Variants in MEAF6 observed in about 807,000 individuals in gnomAD.
MEAF6 encodes chromatin modification-related protein MEAF6.
A neutral mutation model predicts 28.9 loss-of-function variants in MEAF6; 15 were observed. That is an observed-to-expected ratio of 0.52 (90% CI 0.35 to 0.80). MEAF6 has a LOEUF of 0.80. Among genes scored for constraint, MEAF6 ranks in the 30% least tolerant of loss-of-function variants. The probability of loss-of-function intolerance (pLI) is 0.01; values close to 1 mark genes in which losing one functional copy is unlikely to be tolerated. For synonymous variants in MEAF6, 97 were observed against 88.7 expected (o/e 1.09, Z -0.53); for missense variants, 178 against 237.5 (o/e 0.75, Z 1.65).
chr1:37,501,849 C>G lies in MEAF6; in HGVS notation c.488G>C (p.Ser163Thr). 6.2e-7 allele frequency: 1 copy of G among 1,605,234 alleles called. No homozygotes were observed. Residue 163 changes from serine to threonine, a missense_variant, in exon 5 of 7, where the codon AGT (serine) becomes ACT (threonine). Physicochemically the swap from Ser to Thr is moderately conservative, Grantham distance 58. Transcript: ENST00000296214. ...QKAASSTSSG[S>T]HHSSHKKRKN... ...TCGCTTTTTATGGCTGCTGTGGTGA[C>G]TCCCTGAGGAAGTAGAAGAAGCAGC...
intron 4 of MEAF6, among the ~76,000 whole-genome samples, chr1:37,505,388 T>C (rs1642447588): frequency 6.6e-6 from 1 of 152,170 alleles, no homozygotes; most frequent in Admixed American, 6.5e-5. Context: ...AGCAAGCATG[T>C]CCCACCCAAG....
rs372280425 is a variant in MEAF6, at chr1:37,504,591, T to C, written c.341-2595A>G. On this transcript the variant is annotated intron_variant, in intron 4 of 6. Coordinates refer to ENST00000296214, the MANE Select transcript of MEAF6 (RefSeq NM_001270875.3). ...TCGGAGACCAGCCTGGCCAACATGG[T>C]AAGACCCCACCTCTACTAAAAATAC... 2.4e-4 allele frequency among the ~76,000 whole-genome samples: 37 copies of C among 151,540 alleles called. 1 individual carries two copies. The East Asian group carries it at 5.8e-3, about 24-fold the overall frequency.
Position 37,490,899 on chromosome 1 carries a change from C to T in MEAF6, c.*3200G>A, listed in dbSNP as rs750146563. ...AAAACTAGCTGGGTGTGGTAGCACG[C>T]GCCTGTAGTCTCAGCTACTCGAGAG... On this transcript the variant is annotated 3_prime_UTR_variant, in exon 7 of 7. Coordinates refer to ENST00000296214, the MANE Select transcript of MEAF6 (RefSeq NM_001270875.3). Among the ~76,000 whole-genome samples the T allele has an allele frequency of 1.3e-5, 2 of 152,008 alleles. No individual in the cohort carries two copies. The highest frequency in any genetic ancestry group is 6.6e-5 in the Admixed American group (1 of 15,262).
intron 3 of MEAF6, 63 bp downstream of exon 3, chr1:37,509,392 T>A (rs1642590868): frequency 1.2e-6 from 2 of 1,608,142 alleles, no homozygotes; most frequent in Non-Finnish European, 1.7e-6. Flanking sequence ...CAGAGGAAGG[T>A]AAAGAAAAAA....
rs1200697541 is a variant in MEAF6 at position 37,491,274 on chromosome 1, G to A, written c.*2825C>T. Among the ~76,000 whole-genome samples, 1 of 152,182 alleles carries A rather than the reference G, an allele frequency of 6.6e-6. No individual in the cohort carries two copies. Among genetic ancestry groups the A allele is most frequent in the Non-Finnish European group, 1.5e-5 (1 of 68,036 alleles). ...AATCCCAGCACTTTGGGAGGCTGAG[G>A]TGGGTGGATTACCTGAGGTCAGGAG... On this transcript the variant is annotated 3_prime_UTR_variant, in exon 7 of 7. Coordinates refer to ENST00000296214, the MANE Select transcript of MEAF6 (RefSeq NM_001270875.3).
Position 37,501,785 on chromosome 1 carries a change from TG to T in MEAF6, c.533+18del. On this transcript the variant is annotated intron_variant, in intron 5 of 6. Coordinates refer to ENST00000296214, the MANE Select transcript of MEAF6 (RefSeq NM_001270875.3). The stretch of plus-strand genomic sequence containing the variant: ...GCAATGGTCATGGGAGCTGCGGGGG[TG>T]GGATCCCTGCCACTGACCTGTGCCG... 2 of 1,542,484 alleles carry T rather than the reference TG, an allele frequency of 1.3e-6. No individual in the cohort carries two copies. Among genetic ancestry groups the T allele is most frequent in the Admixed American group, 1.8e-5 (1 of 54,574 alleles).
chr1:37,504,106 TAGTG>T (rs1557609002), intron 4 of MEAF6, among the ~76,000 whole-genome samples: 1 of 152,182 alleles, frequency 6.6e-6, no homozygotes, highest in African/African-American at 2.4e-5. Flanking sequence ...ATTCCTGTGA[TAGTG>T]AGGGAGTTCT....
At chr1:37,502,052 C>A in intron 4 of MEAF6, 56 bp from the exon 5 acceptor site, 1 of 1,449,154 alleles carries the variant, frequency 6.9e-7, no homozygotes, top group South Asian at 1.3e-5. Flanking sequence ...CTCAGGCAAT[C>A]TGTCCATCAA....
At position 37,492,673 on chromosome 1, in the gene MEAF6, C is replaced by T. The variant is rs948616521; in HGVS notation, c.*1426G>A. On this transcript the variant is annotated 3_prime_UTR_variant, in exon 7 of 7. Transcript: ENST00000296214. ...ACAGTAGATGCCATCCATATTCAGC[C>T]CTACCAATACTATCACAAATGAAAC... 2.6e-5 allele frequency: 4 copies of T among 152,232 alleles called. No individual in the cohort carries two copies. Among genetic ancestry groups the T allele is most frequent in the Non-Finnish European group, 5.9e-5 (4 of 68,004 alleles). 9.4% of individuals were successfully genotyped at this position (152,232 alleles called of 1,614,324 possible).
chr1:37,513,405 C>T lies in MEAF6; in HGVS notation c.206+18G>A, dbSNP rs1642729320. 11 of 1,596,942 alleles carry T rather than the reference C, an allele frequency of 6.9e-6. No homozygotes were observed. The highest frequency in any genetic ancestry group is 2.2e-5 in the East Asian group (1 of 44,788). ...TTACTAGGGCACAATAGGAACACTA[C>T]AGGCTTTCGACACTCACTTTTGGTT... On this transcript the variant is annotated intron_variant, in intron 2 of 6. Coordinates refer to ENST00000296214, the MANE Select transcript of MEAF6 (RefSeq NM_001270875.3).
chr1:37,502,516 T>C (rs1368989414), intron 4 of MEAF6, among the ~76,000 whole-genome samples: 1 of 151,796 alleles, frequency 6.6e-6, no homozygotes, highest in Non-Finnish European at 1.5e-5. Flanking sequence ...AGACAGCCCA[T>C]TCCTGAATTA....
At chr1:37,506,386 A>T (rs1306969368) in intron 4 of MEAF6, among the ~76,000 whole-genome samples, 2 of 152,046 alleles carry the variant, frequency 1.3e-5, no homozygotes, top group African/African-American at 2.4e-5. Flanking sequence ...TTTAATTTTT[A>T]TTTTTTTGAG....
intron 5 of MEAF6, among the ~76,000 whole-genome samples, chr1:37,498,569 A>G (rs983577312): frequency 6.6e-6 from 1 of 151,792 alleles, no homozygotes; most frequent in African/African-American, 2.4e-5. Context: ...AGCTGAGACT[A>G]CAGGCATGCC....
intron 5 of MEAF6, 43 bp downstream of exon 5, chr1:37,501,761 C>G: frequency 6.8e-7 from 1 of 1,469,260 alleles, no homozygotes; most frequent in Non-Finnish European, 9.1e-7. Context: ...CCCTTCACAG[C>G]AATGGTCATG....
chr1:37,493,584 AGTATGAG>A lies in MEAF6; in HGVS notation c.*508_*514del. ...AGATGATCAGATATGTCAGCAGGAA[AGTATGAG>A]CTGTACAAAGGCATTACAAAAAAAC... On this transcript the variant is annotated 3_prime_UTR_variant, in exon 7 of 7. Coordinates refer to ENST00000296214, the MANE Select transcript of MEAF6 (RefSeq NM_001270875.3). 3 of 602,844 alleles carry A rather than the reference AGTATGAG, an allele frequency of 5.0e-6. No individual in the cohort carries two copies. Among genetic ancestry groups the A allele is most frequent in the Non-Finnish European group, 8.8e-6 (3 of 339,186 alleles). 37.3% of individuals were successfully genotyped at this position (602,844 alleles called of 1,614,324 possible).
intron 6 of MEAF6, among the ~76,000 whole-genome samples, chr1:37,495,553 C>T (rs994276000): frequency 2.9e-4 from 44 of 150,928 alleles, no homozygotes; most frequent in Middle Eastern, 3.4e-3. Context: ...CAAAAATTAG[C>T]CAGGCAAGGT....
Position 37,514,616 on chromosome 1 carries a change from G to A in MEAF6, c.90+41C>T, listed in dbSNP as rs752284997. ...CTTGGGGCCTGGAGGCGGGGCGGGC[G>A]CGGAGCCCCATGCCGTGCAACCCCT... On this transcript the variant is annotated intron_variant, in intron 1 of 6. Coordinates refer to ENST00000296214, the MANE Select transcript of MEAF6 (RefSeq NM_001270875.3). 3 of 1,419,622 alleles carry A rather than the reference G, an allele frequency of 2.1e-6. 1 individual carries two copies. In the South Asian group the frequency reaches 4.0e-5, roughly 19 times the overall value. The allele number at this position is 1,419,622 out of a possible 1,614,324, so 87.9% of individuals were successfully genotyped here. A position where few individuals can be genotyped will look rare whatever the true frequency, so the allele number is the denominator to read the frequency against.
At position 37,490,950 on chromosome 1, in the gene MEAF6, C is replaced by T. The variant is rs930007041; in HGVS notation, c.*3149G>A. ...GCTGAGGCGGAATAATTGCTTGAAC[C>T]CTGGAGGCGGAGGTAGCAGTGAGCC... is the stretch of plus-strand genomic sequence containing the variant. On this transcript the variant is annotated 3_prime_UTR_variant, in exon 7 of 7. Coordinates refer to ENST00000296214, the MANE Select transcript of MEAF6 (RefSeq NM_001270875.3). Among the ~76,000 whole-genome samples, 2 of 152,082 alleles carry T rather than the reference C, an allele frequency of 1.3e-5. No individual in the cohort carries two copies. Among genetic ancestry groups the T allele is most frequent in the Non-Finnish European group, 2.9e-5 (2 of 68,022 alleles).
Position 37,510,381 on chromosome 1 carries a change from ATTT to A in MEAF6, c.207-842_207-840del, listed in dbSNP as rs34785696. ...CAGGCATGAGCCACTGCACCTAGCCATTTTTTTTTTTTTTTTTTTTTTGAGAGT... is the reference window on the plus strand; with the variant it reads ...CAGGCATGAGCCACTGCACCTAGCCATTTTTTTTTTTTTTTTTTTGAGAGT... On this transcript the variant is annotated intron_variant, in intron 2 of 6. Coordinates refer to ENST00000296214, the MANE Select transcript of MEAF6 (RefSeq NM_001270875.3). 8.1e-3 allele frequency among the ~76,000 whole-genome samples: 770 copies of A among 94,992 alleles called. 6 individuals carry two copies. Among genetic ancestry groups the A allele is most frequent in the African/African-American group, 0.031 (743 of 24,032 alleles). The allele number at this position is 94,992 out of a possible 152,430, so 62.3% of individuals were successfully genotyped here.
Sources: gnomAD v4.1 joint callset for allele counts (sites outside exome capture counted in the v4.1 genomes callset) on GRCh38, gnomAD v4.1.1 for gene constraint, MANE v1.5 for transcripts, NCBI Gene and HGNC (gene_info 2026-07-23, HGNC 2026-07-21) for gene names.